The following ABCG2 variants were observed in gnomAD, a reference collection of about 807,000 sequenced individuals.
The protein encoded by ABCG2 is ATP binding cassette subfamily G member 2 (JR blood group), also known as broad substrate specificity ATP-binding cassette transporter ABCG2.
In ABCG2, 80 loss-of-function variants were observed where a neutral mutation model predicts 73.5. The ratio of observed to expected loss-of-function variants is 1.09; its 90% CI spans 0.91 to 1.31. ABCG2 has a LOEUF of 1.31. Among genes scored for constraint, ABCG2 ranks in the 50% most tolerant of loss-of-function variants. The pLI, the probability that ABCG2 is intolerant of heterozygous loss-of-function variation, is 0.00. For missense variants in ABCG2, 796 were observed against 786.2 expected (o/e 1.01, Z -0.15); for synonymous variants, 269 against 282.4 (o/e 0.95, Z 0.48).
rs1264405228 is a variant in ABCG2, at chr4:88,211,358, G to GCCCCCCCC, written c.-20+19635_-20+19636insGGGGGGGG. The stretch of plus-strand genomic sequence containing the variant: ...CCTGATAGGTAATTGTTCAACCCCT[G>GCCCCCCCC]CCCCACCCCCCCCCACTTTTGGAGA... On this transcript the variant is annotated intron_variant, in intron 1 of 15. Transcript: ENST00000515655. Among the ~76,000 whole-genome samples, 8 of 33,674 alleles carry GCCCCCCCC rather than the reference G, an allele frequency of 2.4e-4. 3 individuals carry two copies. The highest frequency in any genetic ancestry group is 2.8e-4 in the Non-Finnish European group (5 of 17,828). The allele number at this position is 33,674 out of a possible 152,430, so 22.1% of individuals were successfully genotyped here.
intron 1 of ABCG2, among the ~76,000 whole-genome samples, chr4:88,157,396 C>A (rs1242834032): frequency 6.6e-6 from 1 of 152,102 alleles, no homozygotes; most frequent in African/African-American, 2.4e-5. Flanking sequence ...AGAAAAAGGA[C>A]AGTGGAAAGA....
At chr4:88,194,460 G>A in intron 1 of ABCG2, among the ~76,000 whole-genome samples, 1 of 149,876 alleles carries the variant, frequency 6.7e-6, no homozygotes, top group East Asian at 2.0e-4. Context: ...TGAGGCAGGA[G>A]AATGGCGTGA....
intron 15 of ABCG2, 47 bp from the exon 16 acceptor site, chr4:88,092,428 C>T: frequency 6.3e-7 from 1 of 1,583,644 alleles, no homozygotes. Flanking sequence ...TAGCATCCGT[C>T]AAATGTTACT....
chr4:88,115,290 T>C (rs1329341213), intron 7 of ABCG2, among the ~76,000 whole-genome samples: 1 of 60,460 alleles, frequency 1.7e-5, no homozygotes, highest in Non-Finnish European at 3.2e-5. Context: ...ATATAATTTA[T>C]TTATTTATTT....
At chr4:88,211,369 C>CCCCG (rs1729591312) in intron 1 of ABCG2, among the ~76,000 whole-genome samples, 1 of 129,130 alleles carries the variant, frequency 7.7e-6, no homozygotes, top group Non-Finnish European at 1.7e-5. Context: ...CCCCACCCCC[C>CCCCG]CCCACTTTTG....
chr4:88,158,896 C>A, upstream of ABCG2: 1 of 341,006 alleles, frequency 2.9e-6, no homozygotes, highest in Non-Finnish European at 5.7e-6. Flanking sequence ...CTGTGGACCG[C>A]CAGAGCTGAA....
intron 2 of ABCG2, among the ~76,000 whole-genome samples, chr4:88,139,309 A>C (rs1725461700): frequency 6.6e-6 from 1 of 152,128 alleles, no homozygotes; most frequent in South Asian, 2.1e-4. Flanking sequence ...CTATTTGTAC[A>C]GTGGGACAAT....
At chr4:88,108,465 G>C (rs969888253) in intron 9 of ABCG2, among the ~76,000 whole-genome samples, 1 of 152,122 alleles carries the variant, frequency 6.6e-6, no homozygotes, top group African/African-American at 2.4e-5. Flanking sequence ...CCTAGAGGTG[G>C]AGGTTGCAGC....
intron 2 of ABCG2, among the ~76,000 whole-genome samples, chr4:88,137,625 C>T (rs961701256): frequency 9.9e-5 from 15 of 152,158 alleles, no homozygotes; most frequent in Non-Finnish European, 1.9e-4. Flanking sequence ...GGCTACATTT[C>T]CCCTTGGCTC....
At chr4:88,131,959 G>A (rs757520205) in intron 3 of ABCG2, 42 bp from the exon 4 acceptor site, 6 of 1,449,114 alleles carry the variant, frequency 4.1e-6, no homozygotes, top group Non-Finnish European at 5.8e-6. Context: ...TAACCTATAA[G>A]AGAATATATA....
intron 12 of ABCG2, among the ~76,000 whole-genome samples, 168 bp from the exon 13 acceptor site, chr4:88,097,775 T>C (rs1473432120): frequency 6.6e-6 from 1 of 152,236 alleles, no homozygotes; most frequent in Non-Finnish European, 1.5e-5. Flanking sequence ...TGTCTGTCCA[T>C]GTAACTGCAT....
At chr4:88,116,358 A>C (rs1723578186) in intron 7 of ABCG2, among the ~76,000 whole-genome samples, 1 of 152,220 alleles carries the variant, frequency 6.6e-6, no homozygotes, top group South Asian at 2.1e-4. Flanking sequence ...ATCTGAACTC[A>C]GCGTGGCCTG....
intron 1 of ABCG2, among the ~76,000 whole-genome samples, chr4:88,180,705 A>G (rs374806790): frequency 1.8e-4 from 27 of 152,226 alleles, no homozygotes; most frequent in African/African-American, 6.5e-4. Flanking sequence ...GTGAGCTGAG[A>G]TCATGCCACT....
chr4:88,218,905 G>A (rs747182029), intron 1 of ABCG2, among the ~76,000 whole-genome samples: 38 of 152,190 alleles, frequency 2.5e-4, no homozygotes, highest in Non-Finnish European at 4.6e-4. Context: ...GGGCCATGCA[G>A]TCTTTTTCCA....
intron 1 of ABCG2, among the ~76,000 whole-genome samples, chr4:88,190,515 C>T (rs1413698263): frequency 6.6e-6 from 1 of 152,144 alleles, no homozygotes; most frequent in Non-Finnish European, 1.5e-5. Context: ...GTGCACAATT[C>T]CCTTGAAGAT....
At chr4:88,141,272 G>T (rs2110058086) in intron 1 of ABCG2, among the ~76,000 whole-genome samples, 1 of 152,244 alleles carries the variant, frequency 6.6e-6, no homozygotes, top group Non-Finnish European at 1.5e-5. Flanking sequence ...TCACGGAATG[G>T]CGGGACTGAA....
chr4:88,115,256 C>G (rs28552918), intron 7 of ABCG2, among the ~76,000 whole-genome samples, 198 bp from the exon 8 acceptor site: 1 of 69,872 alleles, frequency 1.4e-5, no homozygotes, highest in Non-Finnish European at 2.6e-5. Context: ...CTCTCTCTCT[C>G]TATATATATA....
At chr4:88,228,709 G>A (rs1025592387) in intron 1 of ABCG2, among the ~76,000 whole-genome samples, 1 of 152,134 alleles carries the variant, frequency 6.6e-6, no homozygotes, top group Admixed American at 6.5e-5. Context: ...TCTAGCTAGA[G>A]GATTGTAAAC....
chr4:88,117,228 G>A (rs1276145954), intron 7 of ABCG2, among the ~76,000 whole-genome samples: 3 of 152,178 alleles, frequency 2.0e-5, no homozygotes, highest in Middle Eastern at 3.4e-3. Context: ...GGTGAGGTGG[G>A]AGGATGGCTT....
Sources: gnomAD v4.1 joint callset for allele counts (sites outside exome capture counted in the v4.1 genomes callset) on GRCh38, gnomAD v4.1.1 for gene constraint, MANE v1.5 for transcripts, NCBI Gene and HGNC (gene_info 2026-07-23, HGNC 2026-07-21) for gene names.